Variants in SPAST observed in about 807,000 individuals in gnomAD.
SPAST encodes the protein spastin.
In SPAST, 30 loss-of-function variants were observed where a neutral mutation model predicts 76.6. That is an observed-to-expected ratio of 0.39 (90% CI 0.29 to 0.53). The LOEUF is 0.53. SPAST is among the 20% of genes least tolerant of loss of function. The pLI, the probability that SPAST is intolerant of heterozygous loss-of-function variation, is 0.68. For synonymous variants in SPAST, 305 were observed against 281.0 expected (o/e 1.09, Z -0.86); for missense variants, 717 against 770.5 (o/e 0.93, Z 0.82).
chr2:32,153,079 G>C (rs919805380), intron 16 of SPAST, among the ~76,000 whole-genome samples: 4 of 151,518 alleles, frequency 2.6e-5, no homozygotes, highest in Non-Finnish European at 5.9e-5. Flanking sequence ...TTTTCTTTTT[G>C]GCTAAAATTT....
intron 3 of SPAST, among the ~76,000 whole-genome samples, chr2:32,097,698 C>CTTT (rs11442450): frequency 6.9e-5 from 9 of 130,508 alleles, no homozygotes; most frequent in South Asian, 2.4e-4. Context: ...TTTTTCTTTT[C>CTTT]TTTTTTTTTT....
intron 5 of SPAST, among the ~76,000 whole-genome samples, 157 bp from the exon 6 acceptor site, chr2:32,115,545 A>G (rs1678795292): frequency 2.0e-5 from 3 of 150,378 alleles, no homozygotes; most frequent in Non-Finnish European, 4.4e-5. Flanking sequence ...TAGTGAATAC[A>G]GTTTTACCTT....
rs758263301 is a variant in SPAST, at chr2:32,154,540, G to T, written c.*44G>T. ...CTGCAGAACATTTTACTTAAAAGAG[G>T]AAACACAAGATCTTCAATGAACGTC... is the stretch of plus-strand genomic sequence containing the variant. On this transcript the variant is annotated 3_prime_UTR_variant, in exon 17 of 17. Transcript: ENST00000315285. 1 of 1,598,760 alleles carries T rather than the reference G, an allele frequency of 6.3e-7. No individual in the cohort carries two copies. The highest frequency in any genetic ancestry group is 1.1e-5 in the South Asian group (1 of 90,694).
At chr2:32,079,083 C>T (rs989660411) in intron 1 of SPAST, among the ~76,000 whole-genome samples, 1 of 152,034 alleles carries the variant, frequency 6.6e-6, no homozygotes, top group Non-Finnish European at 1.5e-5. Context: ...TCAAGTGACC[C>T]GCCCACCTCA....
chr2:32,135,646 A>G (rs1018727577), intron 9 of SPAST, among the ~76,000 whole-genome samples: 11 of 151,788 alleles, frequency 7.2e-5, no homozygotes, highest in Admixed American at 6.6e-5. Context: ...CTTCTGGACT[A>G]TCTGGAAATA....
At chr2:32,084,468 T>A (rs1358667348) in intron 1 of SPAST, among the ~76,000 whole-genome samples, 1 of 152,048 alleles carries the variant, frequency 6.6e-6, no homozygotes, top group Non-Finnish European at 1.5e-5. Context: ...CTGGCCTACT[T>A]TTATTTCTTA....
chr2:32,136,686 C>G lies in SPAST; in HGVS notation c.1321+48C>G, dbSNP rs762232520. 3.4e-6 allele frequency: 5 copies of G among 1,466,024 alleles called. No individual in the cohort carries two copies. The South Asian group carries it at 4.6e-5, about 13-fold the overall frequency. The allele number at this position is 1,466,024 out of a possible 1,614,324, so 90.8% of individuals were successfully genotyped here. A position where few individuals can be genotyped will look rare whatever the true frequency, so the allele number is the denominator to read the frequency against. The stretch of plus-strand genomic sequence containing the variant: ...AGTTATTGACTATTTGTGAAATTTC[C>G]CTCTCCAAATAGGAAAGATACGATT... On this transcript the variant is annotated intron_variant, in intron 10 of 16. Transcript: ENST00000315285.
Position 32,063,586 on chromosome 2 carries a change from G to C in SPAST, c.-246G>C, listed in dbSNP as rs1333407267. On this transcript the variant is annotated 5_prime_UTR_variant, in exon 1 of 17. Transcript: ENST00000315285. ...CGCCGCTGGGAGCCACCAGGCGGCGGAGAGGACAGCGACAGGAAGGGAGGG... is the reference window on the plus strand; with the variant it reads ...CGCCGCTGGGAGCCACCAGGCGGCGCAGAGGACAGCGACAGGAAGGGAGGG... The C allele has an allele frequency of 3.8e-6, 2 of 522,556 alleles. No homozygotes were observed. Among genetic ancestry groups the C allele is most frequent in the Non-Finnish European group, 6.7e-6 (2 of 299,960 alleles). The allele number at this position is 522,556 out of a possible 1,614,324, so 32.4% of individuals were successfully genotyped here.
At chr2:32,139,393 C>G (rs1679644110) in intron 12 of SPAST, among the ~76,000 whole-genome samples, 1 of 152,150 alleles carries the variant, frequency 6.6e-6, no homozygotes, top group Admixed American at 6.5e-5. Flanking sequence ...CAAAAGGCTA[C>G]TAGAACTGAT....
At chr2:32,118,635 G>A (rs1020215163) in intron 7 of SPAST, among the ~76,000 whole-genome samples, 6 of 152,114 alleles carry the variant, frequency 3.9e-5, no homozygotes, top group Non-Finnish European at 5.9e-5. Context: ...TCTTCTGATC[G>A]ATTCATTGAT....
chr2:32,130,813 A>AT (rs1679347842), intron 9 of SPAST, among the ~76,000 whole-genome samples: 1 of 152,126 alleles, frequency 6.6e-6, no homozygotes, highest in Admixed American at 6.5e-5. Context: ...TCAAAGGATA[A>AT]TTTTACTGTC....
chr2:32,144,878 C>T, intron 14 of SPAST, 59 bp from the exon 15 acceptor site: 1 of 1,195,460 alleles, frequency 8.4e-7, no homozygotes, highest in Non-Finnish European at 1.2e-6. Flanking sequence ...GAGCAAAACT[C>T]CATCTCAAAA....
At chr2:32,141,687 A>G (rs1679724650) in intron 12 of SPAST, among the ~76,000 whole-genome samples, 1 of 152,256 alleles carries the variant, frequency 6.6e-6, no homozygotes, top group Admixed American at 6.5e-5. Context: ...TTAAAAACAT[A>G]TACATACATA....
intron 14 of SPAST, 149 bp from the exon 15 acceptor site, chr2:32,144,788 C>T (rs1679831924): frequency 1.5e-6 from 1 of 656,574 alleles, no homozygotes; most frequent in African/African-American, 1.8e-5. Flanking sequence ...ACCTGAGAGG[C>T]TGAGGTAGGA....
chr2:32,117,965 G>C (rs886095069), intron 7 of SPAST, among the ~76,000 whole-genome samples: 1 of 152,112 alleles, frequency 6.6e-6, no homozygotes, highest in Non-Finnish European at 1.5e-5. Flanking sequence ...AGGCAATCTT[G>C]CAGTTGATAA....
intron 15 of SPAST, among the ~76,000 whole-genome samples, chr2:32,146,536 G>C (rs1679890892): frequency 1.3e-5 from 2 of 151,828 alleles, no homozygotes; most frequent in Non-Finnish European, 2.9e-5. Flanking sequence ...CTGCACTCCA[G>C]CCTGGGTGGG....
At position 32,111,373 on chromosome 2, in the gene SPAST, T is replaced by C. The variant is rs972092488; in HGVS notation, c.683-3265T>C. Reference sequence around the variant, plus strand: ...CTGTATAGTGTGTATAGCGTATATATAGTATACTGTATAGCGTATAGAGTA... The same window carrying C: ...CTGTATAGTGTGTATAGCGTATATACAGTATACTGTATAGCGTATAGAGTA... On this transcript the variant is annotated intron_variant, in intron 4 of 16. Transcript: ENST00000315285. Among the ~76,000 whole-genome samples the C allele has an allele frequency of 6.9e-5, 10 of 144,710 alleles. 1 individual carries two copies. The highest frequency in any genetic ancestry group is 2.0e-4 in the African/African-American group (8 of 40,210). 94.9% of individuals were successfully genotyped at this position (144,710 alleles called of 152,430 possible). A position where few individuals can be genotyped will look rare whatever the true frequency, so the allele number is the denominator to read the frequency against.
At chr2:32,147,186 A>AT in intron 15 of SPAST, 32 bp from the exon 16 acceptor site, 1 of 1,570,178 alleles carries the variant, frequency 6.4e-7, no homozygotes, top group Non-Finnish European at 8.8e-7. Flanking sequence ...AAATGTATGT[A>AT]TTTTTAAGTG....
At chr2:32,089,843 A>G (rs1668127818) in intron 3 of SPAST, among the ~76,000 whole-genome samples, 1 of 151,870 alleles carries the variant, frequency 6.6e-6, no homozygotes, top group Admixed American at 6.6e-5. Context: ...GGCTCACTGC[A>G]AGCTCTACCT....
Sources: allele counts gnomAD v4.1 joint callset (sites outside exome capture counted in the v4.1 genomes callset), GRCh38; gene constraint gnomAD v4.1.1; transcripts MANE v1.5; gene names NCBI Gene and HGNC (gene_info 2026-07-23, HGNC 2026-07-21).